GABRG2: variants seen among roughly 807,000 people sequenced by gnomAD.
GABRG2 encodes the protein gamma-aminobutyric acid type A receptor subunit gamma2.
In GABRG2, 16 loss-of-function variants were observed where a neutral mutation model predicts 56.4. The ratio of observed to expected loss-of-function variants is 0.28; its 90% CI spans 0.19 to 0.43. The LOEUF (loss-of-function observed/expected upper bound fraction) is 0.43. GABRG2 is among the 20% of genes least tolerant of loss of function. The pLI is 1.00. For synonymous variants in GABRG2, 208 were observed against 205.5 expected, an observed-to-expected ratio of 1.01 and a Z score of -0.10; for missense variants, 327 against 582.7, an observed-to-expected ratio of 0.56 and a Z score of 4.52.
intron 7 of GABRG2, among the ~76,000 whole-genome samples, chr5:162,143,173 A>G (rs912780493): frequency 6.6e-6 from 1 of 152,228 alleles, no homozygotes; most frequent in South Asian, 2.1e-4. Context: ...AATATTAACA[A>G]CATGGAAACA....
At chr5:162,108,179 C>T (rs1168938571) in intron 6 of GABRG2, among the ~76,000 whole-genome samples, 3 of 152,138 alleles carry the variant, frequency 2.0e-5, no homozygotes, top group Non-Finnish European at 4.4e-5. Context: ...GGGACAGAAA[C>T]TCAAGTGGTC....
At chr5:162,085,530 T>C (rs1760008074) in intron 1 of GABRG2, among the ~76,000 whole-genome samples, 1 of 151,704 alleles carries the variant, frequency 6.6e-6, no homozygotes, top group African/African-American at 2.4e-5. Context: ...CTTGCTTTGT[T>C]TCTTTTTTTT....
At chr5:162,150,980 T>A (rs1329791628) in intron 8 of GABRG2, 3 of 152,230 alleles carry the variant, frequency 2.0e-5, no homozygotes. Flanking sequence ...ACTTTCCATT[T>A]CACTCTCCCT....
chr5:162,130,947 A>C (rs17060106), intron 6 of GABRG2, among the ~76,000 whole-genome samples: 18,115 of 152,016 alleles, frequency 0.12, 1,136 homozygotes, highest in Non-Finnish European at 0.14. Context: ...TTGATTCAAG[A>C]GAGCTTATCA....
At chr5:162,143,106 T>C (rs1764702845) in intron 7 of GABRG2, among the ~76,000 whole-genome samples, 1 of 152,208 alleles carries the variant, frequency 6.6e-6, no homozygotes, top group African/African-American at 2.4e-5. Flanking sequence ...TGTTTATCTC[T>C]TCCCAACTTG....
intron 6 of GABRG2, among the ~76,000 whole-genome samples, chr5:162,126,266 A>T (rs1763335818): frequency 6.6e-6 from 1 of 151,984 alleles, no homozygotes; most frequent in Non-Finnish European, 1.5e-5. Context: ...AAGAAGTCGT[A>T]CTTGTGATTT....
intron 1 of GABRG2, among the ~76,000 whole-genome samples, chr5:162,087,114 A>G (rs994578748): frequency 3.9e-5 from 6 of 152,048 alleles, no homozygotes; most frequent in Non-Finnish European, 8.8e-5. Context: ...ACAATAAACT[A>G]TGATAGGGAG....
intron 6 of GABRG2, among the ~76,000 whole-genome samples, chr5:162,133,630 T>G (rs1035429447): frequency 2.6e-5 from 4 of 152,168 alleles, no homozygotes; most frequent in African/African-American, 7.2e-5. Context: ...ACATATTTGC[T>G]GCATTTTTTT....
rs768062008 is a variant in GABRG2, at chr5:162,093,936, C to A, written c.216C>A (p.Asn72Lys). Residue 72 changes from asparagine (N) to lysine (K), a missense_variant, in exon 2 of 10, where the codon AAC becomes AAA. This residue lies in a region of GABRG2 where 104 missense variants were observed against 209.3 expected (regional missense o/e 0.50). Coordinates refer to ENST00000639213, the MANE Select transcript of GABRG2 (RefSeq NM_198904.4). ...GTGATGTCACTGTCATCTTAAACAACCTGCTGGAAGGATATGACAATAAAC... is the reference window on the plus strand; with the variant it reads ...GTGATGTCACTGTCATCTTAAACAAACTGCTGGAAGGATATGACAATAAAC... Reference protein sequence around the residue: ...PEGDVTVILNNLLEGYDNKLR... With the variant: ...PEGDVTVILNKLLEGYDNKLR... 31 of 1,613,200 alleles carry A rather than the reference C, an allele frequency of 1.9e-5. 1 individual carries two copies. Among genetic ancestry groups the A allele is most frequent in the Admixed American group, 5.0e-5 (3 of 59,914 alleles).
chr5:162,108,175 G>A (rs1384395568), intron 6 of GABRG2, among the ~76,000 whole-genome samples: 1 of 152,162 alleles, frequency 6.6e-6, no homozygotes, highest in Non-Finnish European at 1.5e-5. Flanking sequence ...CACTGGGACA[G>A]AAACTCAAGT....
chr5:162,153,517 A>G lies in GABRG2; in HGVS notation c.*149A>G. 1.0e-6 allele frequency: 1 copy of G among 987,938 alleles called. No individual in the cohort carries two copies. Among genetic ancestry groups the G allele is most frequent in the Non-Finnish European group, 1.6e-6 (1 of 635,524 alleles). 61.2% of individuals were successfully genotyped at this position (987,938 alleles called of 1,614,324 possible). A position where few individuals can be genotyped will look rare whatever the true frequency, so the allele number is the denominator to read the frequency against. ...AACCTGGTAAATTTTATAATGTCAT[A>G]TTGTTTGTGCCCAGCCCTCCTTTGG... is the stretch of plus-strand genomic sequence containing the variant. On this transcript the variant is annotated 3_prime_UTR_variant, in exon 10 of 10. Transcript: ENST00000639213.
chr5:162,145,362 A>T (rs556979373), intron 7 of GABRG2, among the ~76,000 whole-genome samples: 1 of 152,332 alleles, frequency 6.6e-6, no homozygotes, highest in South Asian at 2.1e-4. Context: ...AGGTGAGGTA[A>T]CATCCCTGAA....
intron 9 of GABRG2, 165 bp downstream of exon 9, chr5:162,151,918 A>C: frequency 1.7e-6 from 1 of 601,178 alleles, no homozygotes; most frequent in Non-Finnish European, 2.9e-6. Context: ...TTCAGCAACT[A>C]TACACTAATT....
rs903838076 is a variant in GABRG2, at chr5:162,103,940, A to C, written c.683A>C (p.Glu228Ala). The C allele has an allele frequency of 1.9e-6, 3 of 1,613,870 alleles. No individual in the cohort carries two copies. The highest frequency in any genetic ancestry group is 2.7e-5 in the African/African-American group (2 of 74,906). The change falls in exon 6 of 10, where the codon GAA (glutamate) becomes GCA (alanine). Residue 228 changes from glutamate (E) to alanine (A), a missense_variant. Transcript: ENST00000639213. ...IVYQWKRSSV[E>A]VGDTRSWRLY... ...TATCAATGGAAGCGAAGTTCTGTTGAAGTGGGCGACACAAGATCCTGGAGG... is the reference window on the plus strand; with the variant it reads ...TATCAATGGAAGCGAAGTTCTGTTGCAGTGGGCGACACAAGATCCTGGAGG...
chr5:162,131,527 TTTAAATTC>T (rs1207302618), intron 6 of GABRG2, among the ~76,000 whole-genome samples: 3 of 151,982 alleles, frequency 2.0e-5, no homozygotes, highest in Non-Finnish European at 4.4e-5. Context: ...TTTGTAATAT[TTTAAATTC>T]TGGTGGTTCT....
rs772194057 is a variant in GABRG2, at chr5:162,153,256, A to G, written c.1316A>G (p.His439Arg). ...GATTGTCGAACAGGAGCTTGGAGAC[A>G]TGGGAGGATACATATCCGCATTGCC... ...FEDCRTGAWR[H>R]GRIHIRIAKM... Residue 439 changes from histidine to arginine, a missense_variant, in exon 10 of 10, where the codon CAT becomes CGT. Around this residue, in one of 4 missense-constraint regions of GABRG2, gnomAD observed 108 missense variants for 144.2 expected, o/e 0.75. Transcript: ENST00000639213. The G allele has an allele frequency of 1.2e-6, 2 of 1,614,000 alleles. No homozygotes were observed. The highest frequency in any genetic ancestry group is 1.6e-4 in the Middle Eastern group (1 of 6,082).
chr5:162,078,989 A>G (rs1759428054), intron 1 of GABRG2, among the ~76,000 whole-genome samples: 1 of 150,054 alleles, frequency 6.7e-6, no homozygotes, highest in South Asian at 2.1e-4. Flanking sequence ...AATTTATTTA[A>G]TTTGTTTAAA....
intron 6 of GABRG2, among the ~76,000 whole-genome samples, chr5:162,111,004 A>G (rs977421431): frequency 6.6e-6 from 1 of 152,126 alleles, no homozygotes; most frequent in African/African-American, 2.4e-5. Flanking sequence ...TAAAAGGAGT[A>G]CATTTGATTA....
chr5:162,145,120 G>A (rs1479653698), intron 7 of GABRG2, among the ~76,000 whole-genome samples: 2 of 152,204 alleles, frequency 1.3e-5, no homozygotes, highest in South Asian at 2.1e-4. Context: ...TTCTTGCCAC[G>A]GAACAGTTAG....
Sources: gnomAD v4.1 joint callset for allele counts (sites outside exome capture counted in the v4.1 genomes callset) on GRCh38, gnomAD v4.1.1 for gene constraint, gnomAD v4.1.1 regional missense constraint, MANE v1.5 for transcripts, NCBI Gene and HGNC (gene_info 2026-07-23, HGNC 2026-07-21) for gene names.